The following CDC42SE2 variants were observed in gnomAD, a reference collection of about 807,000 sequenced individuals.
CDC42SE2 encodes the protein CDC42 small effector 2.
In CDC42SE2, 3 loss-of-function variants were observed where a neutral mutation model predicts 11.5. The observed-to-expected ratio is 0.26, with a 90% CI of 0.12 to 0.67. The LOEUF (loss-of-function observed/expected upper bound fraction) is 0.67. Among genes scored for constraint, CDC42SE2 ranks in the 30% least tolerant of loss-of-function variants. CDC42SE2 has a pLI of 0.80. For synonymous variants in CDC42SE2, 33 were observed against 34.8 expected (o/e 0.95, Z 0.18); for missense variants, 82 against 106.8 (o/e 0.77, Z 1.02).
rs1258028774 is a variant in CDC42SE2 at position 131,393,750 on chromosome 5, G to T, written c.*2659G>T. ...TTTTCTACTTGTCATATAACTCCTG[G>T]AACAATAGTACGGGAAGCCGTGATC... is the stretch of plus-strand genomic sequence containing the variant. On this transcript the variant is annotated 3_prime_UTR_variant, in exon 5 of 5. Coordinates refer to ENST00000505065, the MANE Select transcript of CDC42SE2 (RefSeq NM_001375635.1). 2.0e-5 allele frequency: 3 copies of T among 151,310 alleles called. No individual in the cohort carries two copies. Among genetic ancestry groups the T allele is most frequent in the African/African-American group, 7.3e-5 (3 of 41,110 alleles). 9.4% of individuals were successfully genotyped at this position (151,310 alleles called of 1,614,324 possible). A position where few individuals can be genotyped will look rare whatever the true frequency, so the allele number is the denominator to read the frequency against.
intron 3 of CDC42SE2, among the ~76,000 whole-genome samples, chr5:131,380,211 C>A (rs999954944): frequency 2.0e-5 from 3 of 152,114 alleles, no homozygotes. Flanking sequence ...ACTCATCACC[C>A]GAGCAGTGTA....
intron 3 of CDC42SE2, among the ~76,000 whole-genome samples, chr5:131,362,228 T>C (rs1749731305): frequency 6.6e-6 from 1 of 152,192 alleles, no homozygotes; most frequent in Admixed American, 6.5e-5. Context: ...ATATGTTAGT[T>C]GTTTGTTATT....
chr5:131,281,232 C>A (rs1422000090), intron 1 of CDC42SE2, among the ~76,000 whole-genome samples: 1 of 152,172 alleles, frequency 6.6e-6, no homozygotes, highest in Non-Finnish European at 1.5e-5. Context: ...CTCCTCCAGT[C>A]TTTTTCTCTT....
chr5:131,256,609 C>T (rs1243543446), intron 2 of CDC42SE2, among the ~76,000 whole-genome samples: 1 of 152,116 alleles, frequency 6.6e-6, no homozygotes, highest in Non-Finnish European at 1.5e-5. Flanking sequence ...GAATCTGCTC[C>T]CAAGCTCTTT....
intron 2 of CDC42SE2, among the ~76,000 whole-genome samples, chr5:131,342,656 G>A (rs964094701): frequency 6.6e-6 from 1 of 150,768 alleles, no homozygotes; most frequent in African/African-American, 2.4e-5. Context: ...CCAAAGTGCT[G>A]GGATTGCAGG....
chr5:131,263,081 C>A (rs1051032818), upstream of CDC42SE2, among the ~76,000 whole-genome samples: 3 of 149,904 alleles, frequency 2.0e-5, no homozygotes, highest in East Asian at 2.0e-4. Flanking sequence ...TATAGGTACA[C>A]GCCAACACAC....
At chr5:131,358,149 C>G (rs1250613875) in intron 2 of CDC42SE2, among the ~76,000 whole-genome samples, 1 of 152,200 alleles carries the variant, frequency 6.6e-6, no homozygotes, top group South Asian at 2.1e-4. Context: ...TTGCTTTAGT[C>G]ATAATCTGAT....
At chr5:131,351,927 T>C (rs1424513335) in intron 2 of CDC42SE2, among the ~76,000 whole-genome samples, 1 of 152,194 alleles carries the variant, frequency 6.6e-6, no homozygotes, top group Non-Finnish European at 1.5e-5. Flanking sequence ...GAGAAAGGAT[T>C]GACCTAGAAT....
At chr5:131,243,221 A>G (rs1756554085), upstream of CDC42SE2, among the ~76,000 whole-genome samples, 1 of 152,226 alleles carries the variant, frequency 6.6e-6, no homozygotes, top group South Asian at 2.1e-4. Context: ...ATGGGTATGC[A>G]ATATGTGCAG....
At chr5:131,270,079 A>C (rs1348099993) in intron 1 of CDC42SE2, among the ~76,000 whole-genome samples, 1 of 149,584 alleles carries the variant, frequency 6.7e-6, no homozygotes, top group East Asian at 2.0e-4. Context: ...AAAAACAAAC[A>C]AAAAAAAACA....
chr5:131,394,479 C>A lies in CDC42SE2; in HGVS notation c.*3388C>A, dbSNP rs879057592. ...ATTATAGCAGACTCATTATAGAGAA[C>A]AAGTTTGCCTTGATTTTGTTTAAAA... On this transcript the variant is annotated 3_prime_UTR_variant, in exon 5 of 5. Coordinates refer to ENST00000505065, the MANE Select transcript of CDC42SE2 (RefSeq NM_001375635.1). 6.6e-6 allele frequency: 1 copy of A among 152,302 alleles called. No homozygotes were observed. The highest frequency in any genetic ancestry group is 6.5e-5 in the Admixed American group (1 of 15,280). The allele number at this position is 152,302 out of a possible 1,614,324, so 9.4% of individuals were successfully genotyped here. A position where few individuals can be genotyped will look rare whatever the true frequency, so the allele number is the denominator to read the frequency against.
At chr5:131,232,129 T>C in the CDC42SE2 span, among the ~76,000 whole-genome samples, 1 of 152,142 alleles carries the variant, frequency 6.6e-6, no homozygotes, top group Admixed American at 6.5e-5. Flanking sequence ...TTTTTTTCTT[T>C]TGAGACAGGG....
chr5:131,266,075 A>G (rs1033536878), intron 1 of CDC42SE2, among the ~76,000 whole-genome samples: 4 of 152,216 alleles, frequency 2.6e-5, no homozygotes, highest in African/African-American at 9.6e-5. Context: ...GGGAAGGATT[A>G]TTAGTAATAA....
intron 1 of CDC42SE2, among the ~76,000 whole-genome samples, chr5:131,264,421 A>G (rs1303262171): frequency 6.6e-6 from 1 of 152,120 alleles, no homozygotes; most frequent in Non-Finnish European, 1.5e-5. Context: ...TTACACGCTC[A>G]GTTCAGAATT....
chr5:131,347,515 C>A (rs969129325), intron 2 of CDC42SE2, among the ~76,000 whole-genome samples: 9 of 152,084 alleles, frequency 5.9e-5, no homozygotes, highest in Non-Finnish European at 1.3e-4. Context: ...CAATAGCCTA[C>A]CAACCAAAAA....
intron 4 of CDC42SE2, 40 bp downstream of exon 4, chr5:131,385,684 C>A: frequency 1.6e-6 from 2 of 1,277,416 alleles, no homozygotes; most frequent in Non-Finnish European, 2.3e-6. Flanking sequence ...GGCATTGGGG[C>A]ATAGTCATAT....
In CDC42SE2 at chr5:131,391,722, A is replaced by G. The variant is rs544267525; in HGVS notation, c.*631A>G. On this transcript the variant is annotated 3_prime_UTR_variant, in exon 5 of 5. Coordinates refer to ENST00000505065, the MANE Select transcript of CDC42SE2 (RefSeq NM_001375635.1). ...TCTCTTGGGTAGTAATTTTACAGTT[A>G]AGACTTCATTGTTTATAAACTTTTC... 4 of 152,380 alleles carry G rather than the reference A, an allele frequency of 2.6e-5. No individual in the cohort carries two copies. The highest frequency in any genetic ancestry group is 5.9e-5 in the Non-Finnish European group (4 of 68,054). 9.4% of individuals were successfully genotyped at this position (152,380 alleles called of 1,614,324 possible).
intron 2 of CDC42SE2, among the ~76,000 whole-genome samples, chr5:131,320,365 C>G (rs1429498452): frequency 2.0e-5 from 3 of 151,408 alleles, no homozygotes; most frequent in Non-Finnish European, 2.9e-5. Flanking sequence ...GTACTCCAGC[C>G]TGCGTGACAG....
chr5:131,348,609 A>G (rs1215190441), intron 2 of CDC42SE2, among the ~76,000 whole-genome samples: 2 of 152,184 alleles, frequency 1.3e-5, no homozygotes, highest in African/African-American at 4.8e-5. Context: ...TCAATCTACC[A>G]ATGACTTTCT....
Sources: allele counts gnomAD v4.1 joint callset (sites outside exome capture counted in the v4.1 genomes callset), GRCh38; gene constraint gnomAD v4.1.1; transcripts MANE v1.5; gene names NCBI Gene and HGNC (gene_info 2026-07-23, HGNC 2026-07-21).